MAP4K4: variants seen among roughly 807,000 people sequenced by gnomAD.
MAP4K4 encodes the protein mitogen-activated protein kinase kinase kinase kinase 4, also known as HPK/GCK-like kinase HGK.
In MAP4K4, 38 loss-of-function variants were observed where a neutral mutation model predicts 189.6. The ratio of observed to expected loss-of-function variants is 0.20; its 90% CI spans 0.15 to 0.26. The LOEUF (loss-of-function observed/expected upper bound fraction) is 0.26, where lower values mean the gene tolerates loss of function less well. Among genes scored for constraint, MAP4K4 ranks in the 10% least tolerant of loss-of-function variants. The probability of loss-of-function intolerance (pLI) is 1.00; values close to 1 mark genes in which losing one functional copy is unlikely to be tolerated. For synonymous variants in MAP4K4, 610 were observed against 624.3 expected (o/e 0.98, Z 0.34); for missense variants, 1,054 against 1,726.9 (o/e 0.61, Z 6.91).
At chr2:101,768,467 C>A (rs2079738834) in intron 2 of MAP4K4, among the ~76,000 whole-genome samples, 1 of 152,202 alleles carries the variant, frequency 6.6e-6, no homozygotes, top group African/African-American at 2.4e-5. Flanking sequence ...TAAGGTTTTG[C>A]TTAGGTATTG....
intron 12 of MAP4K4, among the ~76,000 whole-genome samples, chr2:101,846,029 A>G (rs2097098904): frequency 6.6e-6 from 1 of 152,216 alleles, no homozygotes. Flanking sequence ...AAAACTCTTT[A>G]TAATTTGCCG....
chr2:101,772,258 A>C (rs1321241714), intron 2 of MAP4K4, among the ~76,000 whole-genome samples: 1 of 152,222 alleles, frequency 6.6e-6, no homozygotes, highest in Non-Finnish European at 1.5e-5. Context: ...TATTTCCTGG[A>C]AGGGCCAATT....
At chr2:101,855,081 G>GAAGAGTGAGTTGTCAT (rs2097406518) in intron 12 of MAP4K4, among the ~76,000 whole-genome samples, 1 of 152,224 alleles carries the variant, frequency 6.6e-6, no homozygotes, top group Non-Finnish European at 1.5e-5. Context: ...CCTTGAGCTA[G>GAAGAGTGAGTTGTCAT]AAGAGTGAGT....
chr2:101,710,537 C>T (rs529208855), intron 2 of MAP4K4, among the ~76,000 whole-genome samples: 3 of 152,286 alleles, frequency 2.0e-5, no homozygotes, highest in Admixed American at 2.0e-4. Flanking sequence ...GAGGCTTGCT[C>T]ACTGGTGACA....
chr2:101,774,443 T>C (rs2082982262), intron 2 of MAP4K4, among the ~76,000 whole-genome samples: 1 of 152,250 alleles, frequency 6.6e-6, no homozygotes, highest in South Asian at 2.1e-4. Flanking sequence ...TTGAGCTCTG[T>C]ACATATTTTG....
At chr2:101,785,010 T>C (rs2089923856) in intron 2 of MAP4K4, among the ~76,000 whole-genome samples, 1 of 152,148 alleles carries the variant, frequency 6.6e-6, no homozygotes, top group African/African-American at 2.4e-5. Flanking sequence ...AGGGCCAACA[T>C]GGTTCCTGTG....
chr2:101,784,257 G>A (rs2089380447), intron 2 of MAP4K4, among the ~76,000 whole-genome samples: 1 of 146,974 alleles, frequency 6.8e-6, no homozygotes. Context: ...TCTCTGTGAT[G>A]CTCTTCGTGT....
chr2:101,698,443 A>G (rs1178795816), intron 1 of MAP4K4, 30 bp from the exon 2 acceptor site: 1 of 1,597,708 alleles, frequency 6.3e-7, no homozygotes, highest in Admixed American at 1.7e-5. Flanking sequence ...CTTCTTTTAA[A>G]TGATAACCCC....
At position 101,703,097 on chromosome 2, in the gene MAP4K4, C is replaced by T. The variant is rs536292955; in HGVS notation, c.123+4559C>T. The stretch of plus-strand genomic sequence containing the variant: ...GAAAGATTTTGTTGGAATTGGGGAT[C>T]CCTTAGAGTAGGGGACTTGATCCAG... On this transcript the variant is annotated intron_variant, in intron 2 of 32. Transcript: ENST00000324219. 2.0e-4 allele frequency among the ~76,000 whole-genome samples: 31 copies of T among 152,170 alleles called. 1 individual carries two copies. In the South Asian group the frequency reaches 5.6e-3, roughly 27 times the overall value.
At chr2:101,709,188 A>G (rs1366096884) in intron 2 of MAP4K4, among the ~76,000 whole-genome samples, 1 of 152,122 alleles carries the variant, frequency 6.6e-6, no homozygotes, top group Non-Finnish European at 1.5e-5. Context: ...TCTTATTATT[A>G]GTCATTACTG....
At chr2:101,854,766 T>C (rs2097395807) in intron 12 of MAP4K4, among the ~76,000 whole-genome samples, 1 of 152,208 alleles carries the variant, frequency 6.6e-6, no homozygotes. Flanking sequence ...TCTTGTTTAA[T>C]GGTTAATTTT....
intron 2 of MAP4K4, among the ~76,000 whole-genome samples, chr2:101,743,540 T>C (rs1346828875): frequency 6.6e-6 from 1 of 152,212 alleles, no homozygotes. Flanking sequence ...TGCCTTTCAC[T>C]GACAGGATGC....
At chr2:101,893,066 AAACAC>A in exon 33 of MAP4K4, 1 of 456,436 alleles carries the variant, frequency 2.2e-6, no homozygotes, top group Non-Finnish European at 4.4e-6. Context: ...CCACCCACCT[AAACAC>A]AGCAGCCATT....
chr2:101,887,522 G>T (rs1005784850), intron 30 of MAP4K4, among the ~76,000 whole-genome samples: 1 of 152,206 alleles, frequency 6.6e-6, no homozygotes, highest in African/African-American at 2.4e-5. Context: ...TCCCTGGGTT[G>T]GGAGTGGTTC....
chr2:101,768,152 A>G (rs1477003666), intron 2 of MAP4K4, among the ~76,000 whole-genome samples: 1 of 152,224 alleles, frequency 6.6e-6, no homozygotes, highest in South Asian at 2.1e-4. Context: ...AACGTTAGTA[A>G]TATTTTAATA....
intron 9 of MAP4K4, among the ~76,000 whole-genome samples, chr2:101,836,866 G>C (rs1576507840): frequency 6.6e-6 from 1 of 152,210 alleles, no homozygotes; most frequent in South Asian, 2.1e-4. Context: ...AAAGCTGTTA[G>C]GATTGCAGCA....
At chr2:101,732,659 G>C (rs913891060) in intron 2 of MAP4K4, among the ~76,000 whole-genome samples, 1 of 151,994 alleles carries the variant, frequency 6.6e-6, no homozygotes, top group Non-Finnish European at 1.5e-5. Flanking sequence ...GCACCATCTC[G>C]GCTCACTGCA....
At chr2:101,697,767 C>T (rs1421723450) in exon 1 of MAP4K4, 2 of 145,762 alleles carry the variant, frequency 1.4e-5, no homozygotes, top group Non-Finnish European at 3.0e-5. Flanking sequence ...AGGCGCGCGG[C>T]GCGGGGCGCG....
chr2:101,808,108 A>G (rs889939314), intron 3 of MAP4K4, among the ~76,000 whole-genome samples: 3 of 152,218 alleles, frequency 2.0e-5, no homozygotes, highest in Non-Finnish European at 4.4e-5. Context: ...ACAAATGACC[A>G]TCAGTTCTGG....
Sources: gnomAD v4.1 joint callset for allele counts (sites outside exome capture counted in the v4.1 genomes callset) on GRCh38, gnomAD v4.1.1 for gene constraint, MANE v1.5 for transcripts, NCBI Gene and HGNC (gene_info 2026-07-23, HGNC 2026-07-21) for gene names.